The following MYH8 variants were observed in gnomAD, a reference collection of about 807,000 sequenced individuals.
MYH8 encodes myosin-8.
In MYH8, 168 loss-of-function variants were observed where a neutral mutation model predicts 233.2. The ratio of observed to expected loss-of-function variants is 0.72; its 90% CI spans 0.64 to 0.82. The LOEUF is 0.82. MYH8 is among the 40% of genes least tolerant of loss of function. The pLI, the probability that MYH8 is intolerant of heterozygous loss-of-function variation, is 0.00. For synonymous variants in MYH8, 785 were observed against 850.6 expected (o/e 0.92, Z 1.34); for missense variants, 1,995 against 2,327.8 (o/e 0.86, Z 2.94).
chr17:10,394,178 G>C, intron 35 of MYH8, 71 bp downstream of exon 35: 1 of 1,580,072 alleles, frequency 6.3e-7, no homozygotes, highest in South Asian at 1.1e-5. Flanking sequence ...TACAAATTGA[G>C]TACTTTCATG....
intron 14 of MYH8, 115 bp downstream of exon 14, chr17:10,412,255 G>A: frequency 6.3e-7 from 1 of 1,596,096 alleles, no homozygotes; most frequent in Non-Finnish European, 8.6e-7. Flanking sequence ...CTTTGTTCTA[G>A]GTGCAGTGTT....
Position 10,406,177 on chromosome 17 carries a change from C to T in MYH8, c.2296G>A (p.Val766Ile). The T allele has an allele frequency of 2.5e-6, 4 of 1,613,980 alleles. No individual in the cohort carries two copies. The highest frequency in any genetic ancestry group is 3.4e-6 in the Non-Finnish European group (4 of 1,179,980). The change falls in exon 21 of 40, where the codon GTT becomes ATT. Residue 766 changes from valine (V) to isoleucine (I), a missense_variant and splice_region_variant. Physicochemically the swap from Val to Ile is conservative, Grantham distance 29. Coordinates refer to ENST00000403437, the MANE Select transcript of MYH8 (RefSeq NM_002472.3). The part of the protein sequence containing the change: ...HTQYKFGHTK[V>I]FFKAGLLGLL... ...CCCAGAAGTCCAGCTTTGAAGAAAA[C>T]CTGGAGAAAGAGAGAGTCACAAATC... is the stretch of plus-strand genomic sequence containing the variant.
In MYH8 at chr17:10,404,667, T is replaced by G. The variant is rs527854786; in HGVS notation, c.2433-82A>C. ...TACTTATCACACACAAATTTCCCTT[T>G]TAATGAATGCCGCTCACAAATAAAT... On this transcript the variant is annotated intron_variant, in intron 21 of 39. Transcript: ENST00000403437. The G allele has an allele frequency of 3.3e-6, 5 of 1,537,810 alleles. No homozygotes were observed. In the African/African-American group the frequency reaches 6.8e-5, roughly 21 times the overall value.
rs920208145 is a variant in MYH8 at position 10,398,785 on chromosome 17, G to C, written c.3964C>G (p.Leu1322Val). The change falls in exon 29 of 40, where the codon CTA becomes GTA. Residue 1322 changes from leucine to valine, a missense_variant. Leu to Val is a conservative substitution (Grantham distance 32, BLOSUM62 1). Coordinates refer to ENST00000403437, the MANE Select transcript of MYH8 (RefSeq NM_002472.3). ...TQQIEELKHQ[L>V]EEETKAKNAL... ...AAACTCACTTTAGTTTCTTCCTCTA[G>C]TTGATGTTTCAGCTCTTCAATCTGC... 6.2e-7 allele frequency: 1 copy of C among 1,613,912 alleles called. No homozygotes were observed. Among genetic ancestry groups the C allele is most frequent in the Non-Finnish European group, 8.5e-7 (1 of 1,179,996 alleles).
intron 21 of MYH8, among the ~76,000 whole-genome samples, chr17:10,404,870 G>A (rs762942923): frequency 3.3e-5 from 5 of 151,928 alleles, no homozygotes; most frequent in Non-Finnish European, 7.4e-5. Flanking sequence ...TATCAAACTA[G>A]CCAAGAGAGT....
chr17:10,414,420 A>AT lies in MYH8; in HGVS notation c.869dup (p.Tyr290Ter). 1 of 1,613,706 alleles carries AT rather than the reference A, an allele frequency of 6.2e-7. No individual in the cohort carries two copies. Among genetic ancestry groups the AT allele is most frequent in the African/African-American group, 1.3e-5 (1 of 75,048 alleles). Residue 290 changes from tyrosine (Y) to a stop codon, truncating the protein, a stop_gained and frameshift_variant, in exon 10 of 40, where the codon TAT becomes TAAT. Coordinates refer to ENST00000403437, the MANE Select transcript of MYH8 (RefSeq NM_002472.3). LOFTEE classifies it high-confidence loss of function. ...LKAERSYHIFYQITSNKKPDL... is the reference protein window; with the variant it reads ...LKAERSYHIF ...CTGGCTTCTTATTGGAAGTGATCTGATAAAAAATATGGTAGCTTCTTTCCG... is the reference window on the plus strand; with the variant it reads ...CTGGCTTCTTATTGGAAGTGATCTGATTAAAAAATATGGTAGCTTCTTTCCG...
At position 10,398,853 on chromosome 17, in the gene MYH8, G is replaced by A; in HGVS notation, c.3896C>T (p.Ala1299Val). 2 of 1,613,426 alleles carry A rather than the reference G, an allele frequency of 1.2e-6. No homozygotes were observed. Among genetic ancestry groups the A allele is most frequent in the Non-Finnish European group, 1.7e-6 (2 of 1,179,972 alleles). ...GCTCCTTGAAAGCTGAGAGACTAAAGCATCTTTCTCATCTAATTGTCGAGA... is the reference window on the plus strand; with the variant it reads ...GCTCCTTGAAAGCTGAGAGACTAAAACATCTTTCTCATCTAATTGTCGAGA... ...EYSRQLDEKD[A>V]LVSQLSRSKQ... Residue 1299 changes from alanine to valine, a missense_variant, in exon 29 of 40, where the codon GCT becomes GTT. Ala to Val is a moderately conservative substitution (Grantham distance 64, BLOSUM62 0). This residue lies in a region of MYH8 where 1,498 missense variants were observed against 1,680.9 expected (regional missense o/e 0.89). Coordinates refer to ENST00000403437, the MANE Select transcript of MYH8 (RefSeq NM_002472.3).
intron 14 of MYH8, 57 bp from the exon 15 acceptor site, chr17:10,411,004 A>C: frequency 6.2e-7 from 1 of 1,613,224 alleles, no homozygotes; most frequent in South Asian, 1.1e-5. Context: ...AGTAAAATTC[A>C]TTACTGAAAA....
At chr17:10,411,142 C>G (rs770535757) in intron 14 of MYH8, among the ~76,000 whole-genome samples, 195 bp from the exon 15 acceptor site, 2 of 151,984 alleles carry the variant, frequency 1.3e-5, no homozygotes, top group African/African-American at 4.8e-5. Flanking sequence ...TTTGGGAGGC[C>G]GCGGTGGGTG....
Position 10,398,587 on chromosome 17 carries a change from C to G in MYH8, c.4035G>C (p.Leu1345=). 6.2e-7 allele frequency: 1 copy of G among 1,614,242 alleles called. No individual in the cohort carries two copies. Among genetic ancestry groups the G allele is most frequent in the Admixed American group, 1.7e-5 (1 of 60,034 alleles). ...ALQSSRHDCD[L]LREQYEEEQE... is the part of the protein sequence containing the mutation. Reference sequence around the variant, plus strand: ...GCTCTTCCTCATACTGTTCCCGCAGCAGGTCGCAGTCATGGCGGGAGGACT... The same window carrying G: ...GCTCTTCCTCATACTGTTCCCGCAGGAGGTCGCAGTCATGGCGGGAGGACT... The change falls in exon 30 of 40, where the codon CTG becomes CTC. Residue 1345 remains leucine, a synonymous_variant. Transcript: ENST00000403437.
At chr17:10,421,607 G>A (rs896373009) in intron 2 of MYH8, 56 bp downstream of exon 2, 2 of 152,188 alleles carry the variant, frequency 1.3e-5, no homozygotes, top group South Asian at 2.1e-4. Flanking sequence ...ATTGTTCACA[G>A]CTTCATTAGA....
chr17:10,392,685 G>A (rs1464449099), intron 37 of MYH8, 39 bp from the exon 38 acceptor site: 14 of 1,611,668 alleles, frequency 8.7e-6, no homozygotes, highest in Non-Finnish European at 1.2e-5. Flanking sequence ...CAGTCTTGGG[G>A]GATATTAATT....
chr17:10,413,150 A>T (rs2072259627), intron 12 of MYH8, among the ~76,000 whole-genome samples: 1 of 152,222 alleles, frequency 6.6e-6, no homozygotes, highest in East Asian at 1.9e-4. Flanking sequence ...TTGCTGGATT[A>T]ATTTCTTTAT....
intron 2 of MYH8, among the ~76,000 whole-genome samples, chr17:10,420,745 A>G (rs2072331734): frequency 6.6e-6 from 1 of 152,210 alleles, no homozygotes; most frequent in Non-Finnish European, 1.5e-5. Flanking sequence ...GCAAATAATT[A>G]TTTTTAACAT....
chr17:10,415,559 C>A lies in MYH8; in HGVS notation c.561G>T (p.Lys187Asn). 6.2e-7 allele frequency: 1 copy of A among 1,614,188 alleles called. No homozygotes were observed. The change falls in exon 7 of 40, where the codon AAG becomes AAT. Residue 187 changes from lysine (K) to asparagine (N), a missense_variant. Transcript: ENST00000403437. The surrounding 1 kb of genome is among the most constrained non-coding windows in gnomAD (Gnocchi z 4.1). The part of the protein sequence containing the change: ...ILITGESGAG[K>N]TVNTKRVIQY... The stretch of plus-strand genomic sequence containing the variant: ...GGATGACACGCTTGGTGTTCACAGT[C>A]TTTCCGGCACCAGATTCTCCGCTGT...
rs766847557 is a variant in MYH8, at chr17:10,399,430, ACT to A, written c.3862+111_3862+112del. 825 of 1,574,934 alleles carry A rather than the reference ACT, an allele frequency of 5.2e-4. 1 individual carries two copies. The highest frequency in any genetic ancestry group is 6.9e-4 in the Non-Finnish European group (793 of 1,150,382). ...CTTTCCTTTTTGACCTTCTTAGCAAACTCTGATCATTTGTTTATCTTTCTCTA... is the reference window on the plus strand; with the variant it reads ...CTTTCCTTTTTGACCTTCTTAGCAAACTGATCATTTGTTTATCTTTCTCTA... On this transcript the variant is annotated intron_variant, in intron 28 of 39. Coordinates refer to ENST00000403437, the MANE Select transcript of MYH8 (RefSeq NM_002472.3).
intron 14 of MYH8, 133 bp from the exon 15 acceptor site, chr17:10,411,080 CA>C: frequency 6.7e-7 from 1 of 1,485,288 alleles, no homozygotes; most frequent in Non-Finnish European, 9.1e-7. Flanking sequence ...GTTGCTCCCT[CA>C]AAAAATGATC....
intron 5 of MYH8, 137 bp downstream of exon 5, chr17:10,418,508 T>G: frequency 6.6e-7 from 1 of 1,508,134 alleles, no homozygotes; most frequent in Non-Finnish European, 9.1e-7. Flanking sequence ...GTCACAGCTG[T>G]GAAAGTTTTT....
At chr17:10,392,447 T>A in intron 38 of MYH8, 95 bp downstream of exon 38, 1 of 1,127,080 alleles carries the variant, frequency 8.9e-7, no homozygotes, top group Non-Finnish European at 1.4e-6. Context: ...TTAATGCGTA[T>A]TTGTTTGTGA....
Sources: gnomAD v4.1 joint callset for allele counts (sites outside exome capture counted in the v4.1 genomes callset) on GRCh38, gnomAD v4.1.1 for gene constraint, gnomAD v4.1.1 regional missense constraint, Gnocchi (gnomAD v3.1) non-coding constraint, MANE v1.5 for transcripts, NCBI Gene and HGNC (gene_info 2026-07-23, HGNC 2026-07-21) for gene names.